COL14A1: variants seen among roughly 807,000 people sequenced by gnomAD.
COL14A1 encodes collagen alpha-1(XIV) chain.
COL14A1 carries 136 observed loss-of-function variants against 230.3 expected under a neutral mutation model. That is an observed-to-expected ratio of 0.59 (90% CI 0.51 to 0.68). COL14A1 has a LOEUF of 0.68. Among genes scored for constraint, COL14A1 ranks in the 30% least tolerant of loss-of-function variants. COL14A1 has a pLI of 0.00. For missense variants in COL14A1, 1,976 were observed against 2,215.8 expected (o/e 0.89, Z 2.17); for synonymous variants, 792 against 784.1 (o/e 1.01, Z -0.17).
At chr8:120,364,387 C>T (rs757463108) in intron 45 of COL14A1, among the ~76,000 whole-genome samples, 7 of 152,110 alleles carry the variant, frequency 4.6e-5, no homozygotes, top group Non-Finnish European at 8.8e-5. Flanking sequence ...GAAGTCTCTA[C>T]GCTTAGCCTT....
At chr8:120,252,697 G>T (rs566880377) in intron 22 of COL14A1, among the ~76,000 whole-genome samples, 1 of 152,194 alleles carries the variant, frequency 6.6e-6, no homozygotes, top group Non-Finnish European at 1.5e-5. Flanking sequence ...ACGTGCTTAC[G>T]ATGTGGCAAA....
In COL14A1 at chr8:120,368,065, A is replaced by G. The variant is rs550118474; in HGVS notation, c.5155+817A>G. Among the ~76,000 whole-genome samples, 18 of 152,300 alleles carry G rather than the reference A, an allele frequency of 1.2e-4. No homozygotes were observed. In the East Asian group the frequency reaches 3.1e-3, roughly 26 times the overall value. On this transcript the variant is annotated intron_variant, in intron 46 of 47. Coordinates refer to ENST00000297848, the MANE Select transcript of COL14A1 (RefSeq NM_021110.4). ...CCCAACTGAACTGCAAGGCAGACACAAAATTTAGAGAAATACAGGGCTATT... is the reference window on the plus strand; with the variant it reads ...CCCAACTGAACTGCAAGGCAGACACGAAATTTAGAGAAATACAGGGCTATT...
At chr8:120,328,896 T>C (rs1167191552) in intron 40 of COL14A1, among the ~76,000 whole-genome samples, 1 of 152,182 alleles carries the variant, frequency 6.6e-6, no homozygotes, top group African/African-American at 2.4e-5. Context: ...GAGCAGAGAC[T>C]TGGGGAGAAC....
intron 36 of COL14A1, among the ~76,000 whole-genome samples, chr8:120,301,341 C>T (rs1022798967): frequency 2.6e-5 from 4 of 152,024 alleles, no homozygotes; most frequent in Non-Finnish European, 5.9e-5. Context: ...TTTTCTGCTC[C>T]TTTCTCTCCT....
chr8:120,306,373 T>C (rs1298102205), intron 36 of COL14A1, among the ~76,000 whole-genome samples: 1 of 152,106 alleles, frequency 6.6e-6, no homozygotes, highest in Non-Finnish European at 1.5e-5. Context: ...GGAAGAAAGA[T>C]GTAAAATGAG....
rs553740248 is a variant in COL14A1 at position 120,190,461 on chromosome 8, T to C, written c.437-6330T>C. Among the ~76,000 whole-genome samples the C allele has an allele frequency of 2.0e-5, 3 of 152,288 alleles. No homozygotes were observed. In the South Asian group the frequency reaches 6.2e-4, roughly 32 times the overall value. On this transcript the variant is annotated intron_variant, in intron 5 of 47. Transcript: ENST00000297848. ...GCCTGTTCACTCTGATGGTAGTTTC[T>C]TTTGCTGTGCAGAAGCTCTTTAGTT...
At chr8:120,129,561 T>C (rs1563625394) in intron 1 of COL14A1, among the ~76,000 whole-genome samples, 1 of 152,218 alleles carries the variant, frequency 6.6e-6, no homozygotes, top group Non-Finnish European at 1.5e-5. Flanking sequence ...CTGAGGCTAA[T>C]TTTCAGTCAA....
intron 3 of COL14A1, among the ~76,000 whole-genome samples, chr8:120,159,225 A>T (rs1047736367): frequency 6.6e-6 from 1 of 152,194 alleles, no homozygotes; most frequent in Admixed American, 6.5e-5. Context: ...TCTGAATTTT[A>T]AAAAGATCCC....
chr8:120,170,671 A>T (rs1816068048), intron 5 of COL14A1, among the ~76,000 whole-genome samples: 1 of 152,044 alleles, frequency 6.6e-6, no homozygotes, highest in South Asian at 2.1e-4. Context: ...TGTTTTAAAT[A>T]CCTAAAGGCT....
Position 120,280,118 on chromosome 8 carries a change from G to A in COL14A1, c.3646+19G>A. ...TCAGCAAGTTAGTTCTTTGGAATTTGTACTTACTCATGTTGCTTAACAGCT... is the reference window on the plus strand; with the variant it reads ...TCAGCAAGTTAGTTCTTTGGAATTTATACTTACTCATGTTGCTTAACAGCT... On this transcript the variant is annotated intron_variant, in intron 29 of 47. Coordinates refer to ENST00000297848, the MANE Select transcript of COL14A1 (RefSeq NM_021110.4). 6.2e-7 allele frequency: 1 copy of A among 1,613,172 alleles called. No individual in the cohort carries two copies. Among genetic ancestry groups the A allele is most frequent in the South Asian group, 1.1e-5 (1 of 91,030 alleles).
In COL14A1 at chr8:120,223,109, G is replaced by A. The variant is rs117485277; in HGVS notation, c.1738-1979G>A. Among the ~76,000 whole-genome samples, 539 of 152,322 alleles carry A rather than the reference G, an allele frequency of 3.5e-3. 17 individuals are homozygous for A. In the East Asian group the frequency reaches 0.079, roughly 22 times the overall value. Reference sequence around the variant, plus strand: ...TGGGAAAGGCAAGGACCTGAAAGGAGGCCAGTGTGGCTGGAACCCAAAAGG... The same window carrying A: ...TGGGAAAGGCAAGGACCTGAAAGGAAGCCAGTGTGGCTGGAACCCAAAAGG... On this transcript the variant is annotated intron_variant, in intron 14 of 47. Coordinates refer to ENST00000297848, the MANE Select transcript of COL14A1 (RefSeq NM_021110.4).
At chr8:120,365,841 G>A (rs1238915397) in intron 45 of COL14A1, among the ~76,000 whole-genome samples, 1 of 152,158 alleles carries the variant, frequency 6.6e-6, no homozygotes, top group Non-Finnish European at 1.5e-5. Context: ...CAATAGGATT[G>A]GGTGTTTGGG....
intron 23 of COL14A1, among the ~76,000 whole-genome samples, chr8:120,257,880 A>T (rs1819208599): frequency 6.6e-6 from 1 of 152,112 alleles, no homozygotes; most frequent in African/African-American, 2.4e-5. Context: ...ATTTTTTCAT[A>T]GCTTAAGCAT....
At chr8:120,290,755 T>C (rs930869513) in intron 34 of COL14A1, among the ~76,000 whole-genome samples, 7 of 152,168 alleles carry the variant, frequency 4.6e-5, no homozygotes, top group Non-Finnish European at 1.0e-4. Context: ...CAGGAAATAG[T>C]CCAAGTGGGA....
rs950187062 is a variant in COL14A1 at position 120,203,037 on chromosome 8, T to A, written c.878-672T>A. On this transcript the variant is annotated intron_variant, in intron 8 of 47. Coordinates refer to ENST00000297848, the MANE Select transcript of COL14A1 (RefSeq NM_021110.4). The stretch of plus-strand genomic sequence containing the variant: ...ATATATATATTTGTTCTAGCAGTAT[T>A]TCTCAATTTCAGTAAATTTATTTTA... Among the ~76,000 whole-genome samples, 16 of 143,082 alleles carry A rather than the reference T, an allele frequency of 1.1e-4. No individual in the cohort carries two copies. In the East Asian group the frequency reaches 3.1e-3, roughly 28 times the overall value. The allele number at this position is 143,082 out of a possible 152,430, so 93.9% of individuals were successfully genotyped here. A position where few individuals can be genotyped will look rare whatever the true frequency, so the allele number is the denominator to read the frequency against.
In COL14A1 at chr8:120,236,116, A is replaced by G. The variant is rs150800539; in HGVS notation, c.2349+4498A>G. On this transcript the variant is annotated intron_variant, in intron 19 of 47. Coordinates refer to ENST00000297848, the MANE Select transcript of COL14A1 (RefSeq NM_021110.4). ...GTTGGTTTGGAGTGGAGAGTTCTGT[A>G]GATGTCTATTAGGTCCTCTTGGTCC... Among the ~76,000 whole-genome samples, 670 of 152,336 alleles carry G rather than the reference A, an allele frequency of 4.4e-3. 8 individuals are homozygous for G. Among genetic ancestry groups the G allele is most frequent in the African/African-American group, 0.015 (623 of 41,562 alleles).
intron 35 of COL14A1, 40 bp downstream of exon 35, chr8:120,297,628 G>T (rs1359909150): frequency 4.2e-6 from 5 of 1,177,046 alleles, no homozygotes; most frequent in Non-Finnish European, 5.6e-6. Flanking sequence ...TTTTTAAATT[G>T]TATTTAATTT....
chr8:120,197,990 C>T, intron 7 of COL14A1, 60 bp downstream of exon 7: 1 of 1,527,278 alleles, frequency 6.5e-7, no homozygotes. Flanking sequence ...ATTGTATTAC[C>T]TCATTTTGCC....
At chr8:120,271,229 G>A (rs897436332) in intron 26 of COL14A1, among the ~76,000 whole-genome samples, 1 of 151,672 alleles carries the variant, frequency 6.6e-6, no homozygotes. Flanking sequence ...ACTTGTGGGT[G>A]GAGGGTAGGA....
Sources: allele counts gnomAD v4.1 joint callset (sites outside exome capture counted in the v4.1 genomes callset), GRCh38; gene constraint gnomAD v4.1.1; transcripts MANE v1.5; gene names NCBI Gene and HGNC (gene_info 2026-07-23, HGNC 2026-07-21).